SLC26A8: variants seen among roughly 807,000 people sequenced by gnomAD.
SLC26A8 encodes solute carrier family 26 member 8.
A neutral mutation model predicts 105.0 loss-of-function variants in SLC26A8; 70 were observed. The ratio of observed to expected loss-of-function variants is 0.67; its 90% CI spans 0.55 to 0.81. The LOEUF (loss-of-function observed/expected upper bound fraction) is 0.81, where lower values mean the gene tolerates loss of function less well. Ranked by LOEUF, SLC26A8 falls within the 40% of genes least tolerant of loss-of-function variation. The probability of loss-of-function intolerance (pLI) is 0.00; values close to 1 mark genes in which losing one functional copy is unlikely to be tolerated. For missense variants in SLC26A8, 998 were observed against 1,181.8 expected, an observed-to-expected ratio of 0.84 and a Z score of 2.28; for synonymous variants, 415 against 438.3, an observed-to-expected ratio of 0.95 and a Z score of 0.66.
intron 7 of SLC26A8, among the ~76,000 whole-genome samples, chr6:35,987,814 A>ATGATTATT (rs999714163): frequency 3.5e-4 from 53 of 152,260 alleles, no homozygotes; most frequent in African/African-American, 1.2e-3. Flanking sequence ...CAGGGGACAC[A>ATGATTATT]TGATTATTTG....
At chr6:35,968,611 ATATATATATATAT>A (rs1772636043) in intron 11 of SLC26A8, among the ~76,000 whole-genome samples, 35 of 44,116 alleles carry the variant, frequency 7.9e-4, no homozygotes, top group South Asian at 1.6e-3. Flanking sequence ...GTGTGTGTGT[ATATATATATATAT>A]ATATATATAT....
chr6:35,992,729 A>G lies in SLC26A8; in HGVS notation c.628-55T>C, dbSNP rs1039604745. On this transcript the variant is annotated intron_variant, in intron 5 of 19. Coordinates refer to ENST00000490799, the MANE Select transcript of SLC26A8 (RefSeq NM_052961.4). ...AGAATGTCTTCAATCCAGCAATGGC[A>G]CCAATGGCACTCTCCAGGAAAAGAA... 7 of 1,502,936 alleles carry G rather than the reference A, an allele frequency of 4.7e-6. No homozygotes were observed. In the African/African-American group the frequency reaches 8.4e-5, roughly 18 times the overall value. The allele number at this position is 1,502,936 out of a possible 1,614,324, so 93.1% of individuals were successfully genotyped here.
intron 17 of SLC26A8, among the ~76,000 whole-genome samples, chr6:35,951,924 A>G (rs190866973): frequency 6.6e-6 from 1 of 152,232 alleles, no homozygotes; most frequent in East Asian, 1.9e-4. Context: ...GTCTGGGGGT[A>G]TATGTACCTT....
At chr6:36,002,062 C>A (rs1489821139) in intron 3 of SLC26A8, among the ~76,000 whole-genome samples, 1 of 152,188 alleles carries the variant, frequency 6.6e-6, no homozygotes. Context: ...TCTTAAGTCT[C>A]TTGTAATCTA....
rs553410148 is a variant in SLC26A8, at chr6:36,013,446, G to A, written c.189-1074C>T. 5.2e-3 allele frequency among the ~76,000 whole-genome samples: 791 copies of A among 152,256 alleles called. 6 individuals are homozygous for A. The highest frequency in any genetic ancestry group is 0.01 in the Middle Eastern group (3 of 294). On this transcript the variant is annotated intron_variant, in intron 2 of 19. Transcript: ENST00000490799. Reference sequence around the variant, plus strand: ...TCTGCTCGCCTCGGCCTCCCAAAGTGCTAGGATTACAGGCATAAGCCACCG... The same window carrying A: ...TCTGCTCGCCTCGGCCTCCCAAAGTACTAGGATTACAGGCATAAGCCACCG...
chr6:35,963,338 T>C (rs1213385368), intron 11 of SLC26A8, among the ~76,000 whole-genome samples: 1 of 152,130 alleles, frequency 6.6e-6, no homozygotes, highest in African/African-American at 2.4e-5. Flanking sequence ...TTTCAACTTT[T>C]ATAAGTAACA....
At chr6:35,995,866 A>G (rs1276461780) in intron 5 of SLC26A8, among the ~76,000 whole-genome samples, 2 of 152,270 alleles carry the variant, frequency 1.3e-5, no homozygotes, top group Non-Finnish European at 2.9e-5. Context: ...GAAAGCATGC[A>G]TGAGGCCCCT....
intron 5 of SLC26A8, 150 bp from the exon 6 acceptor site, chr6:35,992,824 G>A: frequency 1.3e-6 from 1 of 757,406 alleles, no homozygotes; most frequent in Non-Finnish European, 2.0e-6. Flanking sequence ...CTAATGAACA[G>A]AAGTTGATAA....
chr6:36,008,639 T>C (rs1480236871), intron 3 of SLC26A8, among the ~76,000 whole-genome samples: 1 of 151,994 alleles, frequency 6.6e-6, no homozygotes. Context: ...AAAGACAAAA[T>C]AACTAGTATC....
Position 35,959,792 on chromosome 6 carries a change from A to G in SLC26A8, c.1653T>C (p.Pro551=). Residue 551 remains proline (P), a synonymous_variant, in exon 15 of 20, where the codon CCT becomes CCC. Coordinates refer to ENST00000490799, the MANE Select transcript of SLC26A8 (RefSeq NM_052961.4). ...TGCAGCACTGGAAGATTTTCACCCC[A>G]GGAATGGTGATGATCTGCAAGACAA... ...INDYREIITI[P]GVKIFQCCSS... 6.2e-7 allele frequency: 1 copy of G among 1,607,450 alleles called. No individual in the cohort carries two copies.
chr6:35,963,625 G>T (rs892532199), intron 11 of SLC26A8, among the ~76,000 whole-genome samples: 4 of 152,172 alleles, frequency 2.6e-5, no homozygotes, highest in African/African-American at 9.7e-5. Context: ...ATAGCTAAAG[G>T]TTATACTCAT....
At chr6:35,970,918 C>T (rs1772773681) in intron 10 of SLC26A8, among the ~76,000 whole-genome samples, 1 of 152,092 alleles carries the variant, frequency 6.6e-6, no homozygotes, top group African/African-American at 2.4e-5. Flanking sequence ...ATCCCAGCTA[C>T]TTGGGAGGCT....
chr6:36,023,642 A>G (rs1762183811), intron 1 of SLC26A8, among the ~76,000 whole-genome samples: 1 of 151,838 alleles, frequency 6.6e-6, no homozygotes, highest in African/African-American at 2.4e-5. Flanking sequence ...CTTGAAAGCT[A>G]GTTTAGTTGC....
chr6:35,967,662 A>C (rs1772570867), intron 11 of SLC26A8, among the ~76,000 whole-genome samples: 1 of 152,154 alleles, frequency 6.6e-6, no homozygotes, highest in African/African-American at 2.4e-5. Context: ...GAGTTCACAC[A>C]AATGCAGAAC....
intron 14 of SLC26A8, 194 bp downstream of exon 14, chr6:35,960,649 C>G: frequency 4.9e-6 from 3 of 617,414 alleles, no homozygotes; most frequent in South Asian, 2.0e-5. Context: ...GGTGACAGAG[C>G]AAGACTCTGT....
intron 2 of SLC26A8, among the ~76,000 whole-genome samples, chr6:36,017,700 A>G (rs925211180): frequency 1.3e-5 from 2 of 152,202 alleles, no homozygotes; most frequent in Admixed American, 6.5e-5. Context: ...CTGTATCAAC[A>G]GAGTGAAAAG....
chr6:35,971,711 C>T (rs1426612553), intron 10 of SLC26A8, among the ~76,000 whole-genome samples: 1 of 152,178 alleles, frequency 6.6e-6, no homozygotes. Flanking sequence ...GTTCAACCTC[C>T]CCTGACCATC....
intron 1 of SLC26A8, among the ~76,000 whole-genome samples, chr6:36,021,231 G>C (rs1324445406): frequency 2.0e-5 from 3 of 151,998 alleles, no homozygotes; most frequent in South Asian, 2.1e-4. Flanking sequence ...GGATGGGAGA[G>C]GTATTTTACA....
intron 5 of SLC26A8, 37 bp from the exon 6 acceptor site, chr6:35,992,711 C>T: frequency 1.9e-6 from 3 of 1,557,608 alleles, no homozygotes; most frequent in Non-Finnish European, 2.6e-6. Context: ...GGTAGAATGT[C>T]TTCAATCCAG....
Sources: allele counts gnomAD v4.1 joint callset (sites outside exome capture counted in the v4.1 genomes callset), GRCh38; gene constraint gnomAD v4.1.1; transcripts MANE v1.5; gene names NCBI Gene and HGNC (gene_info 2026-07-23, HGNC 2026-07-21).